Variants in PLXNA4 observed in about 807,000 individuals in gnomAD.
PLXNA4 encodes plexin A4, also known as plexin-A4.
PLXNA4 carries 44 observed loss-of-function variants against 191.8 expected under a neutral mutation model. The observed-to-expected ratio is 0.23, with a 90% CI of 0.18 to 0.29. The LOEUF is 0.29. Among genes scored for constraint, PLXNA4 ranks in the 10% least tolerant of loss-of-function variants. The probability of loss-of-function intolerance (pLI) is 1.00; values close to 1 mark genes in which losing one functional copy is unlikely to be tolerated. For synonymous variants in PLXNA4, 1,082 were observed against 1,009.5 expected (o/e 1.07, Z -1.36); for missense variants, 1,800 against 2,488.8 (o/e 0.72, Z 5.89).
At chr7:132,435,407 C>A (rs994040128) in intron 3 of PLXNA4, among the ~76,000 whole-genome samples, 1 of 152,080 alleles carries the variant, frequency 6.6e-6, no homozygotes, top group Non-Finnish European at 1.5e-5. Flanking sequence ...TAATCGGCCC[C>A]GTGGATGGAG....
At chr7:132,624,496 T>G (rs1253229449) in intron 2 of PLXNA4, among the ~76,000 whole-genome samples, 1 of 152,086 alleles carries the variant, frequency 6.6e-6, no homozygotes, top group African/African-American at 2.4e-5. Context: ...GGGGTGTGTG[T>G]GTGGGAAGAA....
chr7:132,448,766 G>A (rs1796002863), intron 3 of PLXNA4, among the ~76,000 whole-genome samples: 1 of 152,212 alleles, frequency 6.6e-6, no homozygotes, highest in Admixed American at 6.5e-5. Flanking sequence ...CCATGAGTCA[G>A]AGAAGGAAGA....
At chr7:132,178,839 C>CAT (rs142473480) in intron 20 of PLXNA4, among the ~76,000 whole-genome samples, 3 of 79,026 alleles carry the variant, frequency 3.8e-5, no homozygotes, top group African/African-American at 8.8e-5. Flanking sequence ...TACACATACA[C>CAT]ATATATACAC....
At chr7:132,406,843 T>A (rs1794241500) in intron 3 of PLXNA4, among the ~76,000 whole-genome samples, 2 of 152,138 alleles carry the variant, frequency 1.3e-5, no homozygotes, top group South Asian at 4.2e-4. Flanking sequence ...AATGTCCTTG[T>A]GCTTCCCCAA....
chr7:132,214,123 GACCACC>G (rs1325650265), intron 9 of PLXNA4, among the ~76,000 whole-genome samples: 1 of 152,278 alleles, frequency 6.6e-6, no homozygotes, highest in East Asian at 1.9e-4. Context: ...CAGTGGGCAG[GACCACC>G]TCAGGATGGG....
At chr7:132,151,826 G>T (rs1177340067) in intron 25 of PLXNA4, among the ~76,000 whole-genome samples, 1 of 152,102 alleles carries the variant, frequency 6.6e-6, no homozygotes, top group Non-Finnish European at 1.5e-5. Flanking sequence ...GGAGGAGAGA[G>T]GGTGGAGTAT....
chr7:132,534,656 T>C (rs906949529), intron 1 of PLXNA4, among the ~76,000 whole-genome samples: 3 of 152,246 alleles, frequency 2.0e-5, no homozygotes, highest in Admixed American at 6.5e-5. Context: ...CAAAGCCTTT[T>C]ATTTTAGTAG....
chr7:132,414,958 T>G (rs762786552), intron 3 of PLXNA4, among the ~76,000 whole-genome samples: 1 of 152,200 alleles, frequency 6.6e-6, no homozygotes, highest in Admixed American at 6.5e-5. Context: ...TCCATTGGAA[T>G]CCACAACCTC....
intron 26 of PLXNA4, 98 bp from the exon 27 acceptor site, chr7:132,148,097 G>C: frequency 1.3e-6 from 2 of 1,575,718 alleles, no homozygotes; most frequent in South Asian, 2.3e-5. Context: ...GGGGAAATTG[G>C]TGCCTTGCTG....
chr7:132,621,236 G>GTTTTTTTTTTTTT (rs1387509609), intron 2 of PLXNA4, among the ~76,000 whole-genome samples: 1 of 135,066 alleles, frequency 7.4e-6, no homozygotes, highest in African/African-American at 2.7e-5. Context: ...TAATCTCTTG[G>GTTTTTTTTTTTTT]TTTTTTTTTG....
At chr7:132,222,826 A>G (rs1012870444) in intron 9 of PLXNA4, among the ~76,000 whole-genome samples, 26 of 152,196 alleles carry the variant, frequency 1.7e-4, no homozygotes, top group African/African-American at 5.8e-4. Flanking sequence ...ATTCAGAGGG[A>G]ATAGAAAAGT....
chr7:132,207,469 A>G (rs1797663386), intron 10 of PLXNA4, among the ~76,000 whole-genome samples: 1 of 152,114 alleles, frequency 6.6e-6, no homozygotes, highest in East Asian at 1.9e-4. Flanking sequence ...TTCCTAGAGC[A>G]TTGGTCTAAA....
chr7:132,206,593 T>C (rs1797628543), intron 10 of PLXNA4, among the ~76,000 whole-genome samples: 1 of 152,166 alleles, frequency 6.6e-6, no homozygotes, highest in African/African-American at 2.4e-5. Context: ...CTAATGACTA[T>C]TAGAGAAATC....
At chr7:132,443,371 G>A (rs1442078790) in intron 3 of PLXNA4, among the ~76,000 whole-genome samples, 1 of 152,184 alleles carries the variant, frequency 6.6e-6, no homozygotes, top group Non-Finnish European at 1.5e-5. Flanking sequence ...CAGTCGCACT[G>A]CCTGAAGTTT....
At chr7:132,396,377 C>A (rs184746446) in intron 3 of PLXNA4, among the ~76,000 whole-genome samples, 1 of 152,294 alleles carries the variant, frequency 6.6e-6, no homozygotes, top group Admixed American at 6.5e-5. Context: ...AAGATAAGCA[C>A]TATTTTTATC....
chr7:132,262,688 C>T lies in PLXNA4; in HGVS notation c.1504-21522G>A, dbSNP rs1039575122. ...ATATTGTTGTTAGGCTTATTCCTTG[C>T]GTGCACTAAGGAGAGAGGCACCATC... On this transcript the variant is annotated intron_variant, in intron 4 of 31. Coordinates refer to ENST00000321063, the MANE Select transcript of PLXNA4 (RefSeq NM_020911.2). Among the ~76,000 whole-genome samples the T allele has an allele frequency of 4.6e-5, 7 of 152,092 alleles. No homozygotes were observed. In the East Asian group the frequency reaches 5.8e-4, roughly 13 times the overall value.
intron 3 of PLXNA4, among the ~76,000 whole-genome samples, chr7:132,387,697 G>C (rs1805212197): frequency 6.6e-6 from 1 of 152,184 alleles, no homozygotes; most frequent in African/African-American, 2.4e-5. Flanking sequence ...ATGAAGCAGA[G>C]AGCCCAAGGT....
chr7:132,576,538 C>T (rs183835894), upstream of PLXNA4: 993 of 985,968 alleles, frequency 1.0e-3, 10 homozygotes, highest in African/African-American at 0.016. The surrounding 1 kb of genome is among the most constrained non-coding windows in gnomAD (Gnocchi z 5.8). Flanking sequence ...CGTGTGGCTG[C>T]CTCCTCCAGC....
intron 3 of PLXNA4, among the ~76,000 whole-genome samples, chr7:132,321,698 C>T (rs1802172948): frequency 6.6e-6 from 1 of 152,162 alleles, no homozygotes; most frequent in African/African-American, 2.4e-5. Flanking sequence ...ATGTTAGAGT[C>T]TGGTGAACAT....
Sources: gnomAD v4.1 joint callset for allele counts (sites outside exome capture counted in the v4.1 genomes callset) on GRCh38, gnomAD v4.1.1 for gene constraint, Gnocchi (gnomAD v3.1) non-coding constraint, MANE v1.5 for transcripts, NCBI Gene and HGNC (gene_info 2026-07-23, HGNC 2026-07-21) for gene names.